Variants in EFNA5 observed in about 807,000 individuals in gnomAD.
EFNA5 encodes ephrin-A5.
A neutral mutation model predicts 22.9 loss-of-function variants in EFNA5; 5 were observed. That is an observed-to-expected ratio of 0.22 (90% CI 0.11 to 0.46). EFNA5 has a LOEUF of 0.46. EFNA5 is among the 20% of genes least tolerant of loss of function. The probability of loss-of-function intolerance (pLI) is 0.99; values close to 1 mark genes in which losing one functional copy is unlikely to be tolerated. For missense variants in EFNA5, 237 were observed against 293.3 expected, an observed-to-expected ratio of 0.81 and a Z score of 1.40; for synonymous variants, 113 against 112.2, an observed-to-expected ratio of 1.01 and a Z score of -0.04.
intron 1 of EFNA5, among the ~76,000 whole-genome samples, chr5:107,449,675 T>G (rs1280298164): frequency 6.6e-6 from 1 of 152,194 alleles, no homozygotes; most frequent in Non-Finnish European, 1.5e-5. Context: ...CCAAAGTCCT[T>G]AAGAAGCTCT....
intron 1 of EFNA5, among the ~76,000 whole-genome samples, chr5:107,569,782 G>T (rs1189061506): frequency 6.8e-6 from 1 of 147,256 alleles, no homozygotes; most frequent in East Asian, 2.0e-4. Flanking sequence ...AACCTGGGAG[G>T]GGGAGGCTGC....
At chr5:107,468,990 A>C (rs1483293216) in intron 1 of EFNA5, among the ~76,000 whole-genome samples, 1 of 152,242 alleles carries the variant, frequency 6.6e-6, no homozygotes, top group Non-Finnish European at 1.5e-5. Flanking sequence ...CACACCTGGT[A>C]AAATTTAAAC....
At chr5:107,641,037 C>CAGAT (rs59357736) in intron 1 of EFNA5, among the ~76,000 whole-genome samples, 11 of 149,154 alleles carry the variant, frequency 7.4e-5, no homozygotes, top group African/African-American at 2.8e-4. Context: ...GACAGACAGA[C>CAGAT]AGATAGATAG....
At chr5:107,394,418 T>C (rs1039905425) in intron 2 of EFNA5, among the ~76,000 whole-genome samples, 3 of 152,204 alleles carry the variant, frequency 2.0e-5, no homozygotes, top group Admixed American at 6.5e-5. Context: ...TGGGGATGTT[T>C]CTTTTAAAAA....
chr5:107,603,354 T>C (rs1222201509), intron 1 of EFNA5, among the ~76,000 whole-genome samples: 1 of 152,186 alleles, frequency 6.6e-6, no homozygotes, highest in Non-Finnish European at 1.5e-5. Flanking sequence ...TCATGGCAAT[T>C]TTTATCCCTC....
At chr5:107,449,476 AC>A (rs1218315938) in intron 1 of EFNA5, among the ~76,000 whole-genome samples, 1 of 152,168 alleles carries the variant, frequency 6.6e-6, no homozygotes, top group African/African-American at 2.4e-5. Flanking sequence ...ATGAAAAGCT[AC>A]AAGAGAAGAT....
At position 107,482,832 on chromosome 5, in the gene EFNA5, GTCTCTC is replaced by G. The variant is rs59574940; in HGVS notation, c.126-55329_126-55324del. On this transcript the variant is annotated intron_variant, in intron 1 of 4. Coordinates refer to ENST00000333274, the MANE Select transcript of EFNA5 (RefSeq NM_001962.3). ...TCTCTCTGTCTCTCTCTCTGTCTCT[GTCTCTC>G]TCTCTCTCTCTCTCTCTCTCTCTCT... Among the ~76,000 whole-genome samples the G allele has an allele frequency of 4.8e-3, 452 of 93,934 alleles. 1 individual carries two copies. The highest frequency in any genetic ancestry group is 0.01 in the Admixed American group (94 of 9,264). The allele number at this position is 93,934 out of a possible 152,430, so 61.6% of individuals were successfully genotyped here.
intron 1 of EFNA5, among the ~76,000 whole-genome samples, chr5:107,556,047 C>G (rs1470118108): frequency 2.0e-5 from 3 of 152,162 alleles, no homozygotes; most frequent in Non-Finnish European, 2.9e-5. Context: ...CAAAATATAC[C>G]CATTCTGAGC....
At position 107,475,873 on chromosome 5, in the gene EFNA5, A is replaced by G. The variant is rs112119627; in HGVS notation, c.126-48364T>C. Among the ~76,000 whole-genome samples the G allele has an allele frequency of 7.3e-3, 1,100 of 151,180 alleles. 17 individuals are homozygous for G. Among genetic ancestry groups the G allele is most frequent in the African/African-American group, 0.025 (1,029 of 40,978 alleles). Reference sequence around the variant, plus strand: ...CTGGAGCAATGAGATGTTGTTAATGAATATCAACACTTCCCAGATCCTTTA... The same window carrying G: ...CTGGAGCAATGAGATGTTGTTAATGGATATCAACACTTCCCAGATCCTTTA... On this transcript the variant is annotated intron_variant, in intron 1 of 4. Transcript: ENST00000333274.
chr5:107,447,023 T>C (rs1456159110), intron 1 of EFNA5, among the ~76,000 whole-genome samples: 1 of 152,192 alleles, frequency 6.6e-6, no homozygotes, highest in Non-Finnish European at 1.5e-5. Context: ...AGGAAAATCT[T>C]ACTTGCCAGC....
chr5:107,644,079 A>G (rs577762624), intron 1 of EFNA5, among the ~76,000 whole-genome samples: 29 of 152,214 alleles, frequency 1.9e-4, no homozygotes, highest in African/African-American at 7.0e-4. Flanking sequence ...TTCTTTGGGA[A>G]AAGTCTTTTC....
intron 1 of EFNA5, among the ~76,000 whole-genome samples, chr5:107,595,579 C>G (rs148199840): frequency 2.2e-4 from 34 of 152,304 alleles, no homozygotes; most frequent in African/African-American, 7.2e-4. Flanking sequence ...AATTAATTTA[C>G]TATAAACTCA....
rs201008479 is a variant in EFNA5 at position 107,381,274 on chromosome 5, G to A, written c.668C>T (p.Ala223Val). 302 of 1,613,890 alleles carry A rather than the reference G, an allele frequency of 1.9e-4. No individual in the cohort carries two copies. In the East Asian group the frequency reaches 5.9e-3, roughly 32 times the overall value. ...RLLAILLFLL[A>V]MLLTL ...ACTGTGCTATAATGTCAAAAGCATC[G>A]CCAGGAGGAACAGTAGGATTGCCAA... The change falls in exon 5 of 5, where the codon GCG becomes GTG. Residue 223 changes from alanine to valine, a missense_variant. By Grantham distance (64) the Ala-to-Val change is moderately conservative (BLOSUM62 0). Coordinates refer to ENST00000333274, the MANE Select transcript of EFNA5 (RefSeq NM_001962.3).
intron 1 of EFNA5, among the ~76,000 whole-genome samples, chr5:107,526,571 G>A (rs1410300420): frequency 6.6e-6 from 1 of 152,122 alleles, no homozygotes; most frequent in Non-Finnish European, 1.5e-5. Context: ...ATCTTTATAT[G>A]TGCTTTTCTA....
At chr5:107,557,426 A>T (rs1349914609) in intron 1 of EFNA5, among the ~76,000 whole-genome samples, 1 of 152,136 alleles carries the variant, frequency 6.6e-6, no homozygotes, top group Admixed American at 6.5e-5. Flanking sequence ...TTTCAGCCAC[A>T]CGCTGCCTCA....
At chr5:107,573,046 T>C (rs941737734) in intron 1 of EFNA5, among the ~76,000 whole-genome samples, 2 of 152,196 alleles carry the variant, frequency 1.3e-5, no homozygotes, top group African/African-American at 4.8e-5. Context: ...AAAAGAAACC[T>C]GTTTGTAAAG....
intron 1 of EFNA5, among the ~76,000 whole-genome samples, chr5:107,618,654 C>A (rs1467786186): frequency 6.6e-6 from 1 of 152,138 alleles, no homozygotes; most frequent in Non-Finnish European, 1.5e-5. Flanking sequence ...AGGAAAATAA[C>A]CACTTTTGTC....
chr5:107,635,977 T>C (rs1750365495), intron 1 of EFNA5, among the ~76,000 whole-genome samples: 1 of 152,182 alleles, frequency 6.6e-6, no homozygotes, highest in South Asian at 2.1e-4. Flanking sequence ...CTTAAAATAT[T>C]TTCTCCTTTC....
intron 1 of EFNA5, among the ~76,000 whole-genome samples, chr5:107,636,596 A>G (rs1268195232): frequency 6.6e-6 from 1 of 152,218 alleles, no homozygotes; most frequent in African/African-American, 2.4e-5. Flanking sequence ...TTTCCAGAAG[A>G]GTTACCATAT....
Sources: allele counts gnomAD v4.1 joint callset (sites outside exome capture counted in the v4.1 genomes callset), GRCh38; gene constraint gnomAD v4.1.1; transcripts MANE v1.5; gene names NCBI Gene and HGNC (gene_info 2026-07-23, HGNC 2026-07-21).